The following ARHGEF1 variants were observed in gnomAD, a reference collection of about 807,000 sequenced individuals.
ARHGEF1 encodes Rho guanine nucleotide exchange factor 1.
A neutral mutation model predicts 119.7 loss-of-function variants in ARHGEF1; 40 were observed. The ratio of observed to expected loss-of-function variants is 0.33; its 90% CI spans 0.26 to 0.44. The LOEUF (loss-of-function observed/expected upper bound fraction) is 0.44. Among genes scored for constraint, ARHGEF1 ranks in the 20% least tolerant of loss-of-function variants. The pLI is 1.00. For missense variants in ARHGEF1, 976 were observed against 1,268.3 expected (o/e 0.77, Z 3.50); for synonymous variants, 494 against 521.0 (o/e 0.95, Z 0.71).
intron 13 of ARHGEF1, chr19:41,898,099 T>A (rs2074542117): frequency 7.2e-7 from 1 of 1,379,970 alleles, no homozygotes; most frequent in Non-Finnish European, 9.3e-7. Flanking sequence ...TGCTTGGCCC[T>A]GCCCGACGAG....
At chr19:41,899,142 C>G (rs2074558626) in intron 14 of ARHGEF1, among the ~76,000 whole-genome samples, 1 of 151,950 alleles carries the variant, frequency 6.6e-6, no homozygotes, top group Non-Finnish European at 1.5e-5. Flanking sequence ...GCATGTACCA[C>G]CATGCCTGGC....
Position 41,906,216 on chromosome 19 carries a change from G to A in ARHGEF1, c.2491+191G>A. On this transcript the variant is annotated intron_variant, in intron 26 of 28. Transcript: ENST00000354532. The surrounding 1 kb of genome is among the most constrained non-coding windows in gnomAD (Gnocchi z 4.5). ...CTTCTGCAGCCACCATCCCTTGCTTGATTCTATATTTAGCCTCTTCCTGAA... is the reference window on the plus strand; with the variant it reads ...CTTCTGCAGCCACCATCCCTTGCTTAATTCTATATTTAGCCTCTTCCTGAA... 4.5e-6 allele frequency: 3 copies of A among 667,784 alleles called. No homozygotes were observed. Among genetic ancestry groups the A allele is most frequent in the South Asian group, 1.9e-5 (1 of 53,242 alleles). 41.4% of individuals were successfully genotyped at this position (667,784 alleles called of 1,614,324 possible).
chr19:41,919,913 A>G (rs1256534214), upstream of ARHGEF1, among the ~76,000 whole-genome samples: 1 of 151,976 alleles, frequency 6.6e-6, no homozygotes, highest in African/African-American at 2.4e-5. Context: ...CACACGTCAC[A>G]CAGACATGAC....
Position 41,904,887 on chromosome 19 carries a change from T to C in ARHGEF1, c.2162-62T>C, listed in dbSNP as rs2288512. The C allele has an allele frequency of 0.06, 86,301 of 1,428,202 alleles. 20,788 individuals carry two copies. In the African/African-American group the frequency reaches 0.72, roughly 12 times the overall value. 88.5% of individuals were successfully genotyped at this position (1,428,202 alleles called of 1,614,324 possible). On this transcript the variant is annotated intron_variant, in intron 22 of 28. Coordinates refer to ENST00000354532, the MANE Select transcript of ARHGEF1 (RefSeq NM_004706.4). This position sits in a 1 kb window ranked among gnomAD's most constrained non-coding sequence, Gnocchi z 8.4. ...GTGGGTGACTTCTCCAGCTTGTGCT[T>C]AGGGAGGGGCAGGCACTGGGGGGAC...
chr19:41,892,233 C>T lies in ARHGEF1; in HGVS notation c.325-98C>T. 1 of 1,576,828 alleles carries T rather than the reference C, an allele frequency of 6.3e-7. No homozygotes were observed. The highest frequency in any genetic ancestry group is 8.7e-7 in the Non-Finnish European group (1 of 1,150,372). On this transcript the variant is annotated intron_variant, in intron 5 of 28. Coordinates refer to ENST00000354532, the MANE Select transcript of ARHGEF1 (RefSeq NM_004706.4). The surrounding 1 kb of genome is among the most constrained non-coding windows in gnomAD (Gnocchi z 6.3). ...GGGCAGCTGCTGACCCAGGCCTTCCCCAGCACCCTCGCTTAGACCAGGGTT... is the reference window on the plus strand; with the variant it reads ...GGGCAGCTGCTGACCCAGGCCTTCCTCAGCACCCTCGCTTAGACCAGGGTT...
Position 41,898,201 on chromosome 19 carries a change from G to A in ARHGEF1, c.1122-241G>A, listed in dbSNP as rs369514466. The A allele has an allele frequency of 1.2e-4, 164 of 1,403,848 alleles. 1 individual carries two copies. The South Asian group carries it at 2.1e-3, about 18-fold the overall frequency. 87.0% of individuals were successfully genotyped at this position (1,403,848 alleles called of 1,614,324 possible). On this transcript the variant is annotated intron_variant, in intron 13 of 28. Coordinates refer to ENST00000354532, the MANE Select transcript of ARHGEF1 (RefSeq NM_004706.4). The stretch of plus-strand genomic sequence containing the variant: ...TTGTCAGAGTCACAGAGGAATGGGC[G>A]TTGGAGACCGAGGTCATTGAGGCCA...
chr19:41,924,623 A>C (rs2074861288), intron 1 of ARHGEF1, among the ~76,000 whole-genome samples: 2 of 152,110 alleles, frequency 1.3e-5, no homozygotes, highest in South Asian at 4.1e-4. Context: ...CTACTCAGAG[A>C]ATGATACCTG....
chr19:41,892,971 C>T lies in ARHGEF1; in HGVS notation c.614+122C>T. On this transcript the variant is annotated intron_variant, in intron 7 of 28. Coordinates refer to ENST00000354532, the MANE Select transcript of ARHGEF1 (RefSeq NM_004706.4). The surrounding 1 kb of genome is among the most constrained non-coding windows in gnomAD (Gnocchi z 6.3). ...TTCAGGGTCAGAGTTCATTTCTTGG[C>T]ACTGGGGGTCTTCCTCTACCCTGGT... is the stretch of plus-strand genomic sequence containing the variant. The T allele has an allele frequency of 7.4e-7, 1 of 1,349,618 alleles. No homozygotes were observed. The allele number at this position is 1,349,618 out of a possible 1,614,324, so 83.6% of individuals were successfully genotyped here. A position where few individuals can be genotyped will look rare whatever the true frequency, so the allele number is the denominator to read the frequency against.
chr19:41,895,238 T>C (rs2074462905), intron 11 of ARHGEF1, 111 bp from the exon 12 acceptor site: 10 of 1,399,648 alleles, frequency 7.1e-6, no homozygotes, highest in African/African-American at 1.4e-5. Context: ...AGGAAGGGGC[T>C]CCTTGTCATG....
chr19:41,912,987 A>G, intron 18 of ARHGEF1: 2 of 827,876 alleles, frequency 2.4e-6, no homozygotes, highest in Non-Finnish European at 3.2e-6. Context: ...AGACAGACAC[A>G]GGTCAGCCAG....
chr19:41,928,694 A>G, intron 1 of ARHGEF1: 1 of 327,166 alleles, frequency 3.1e-6, no homozygotes, highest in Non-Finnish European at 6.1e-6. Context: ...AAATTTGAAA[A>G]CAGATGTCGA....
At chr19:41,899,860 C>A (rs1454267059) in intron 14 of ARHGEF1, among the ~76,000 whole-genome samples, 1 of 149,670 alleles carries the variant, frequency 6.7e-6, no homozygotes, top group Non-Finnish European at 1.5e-5. Flanking sequence ...GATACTTATT[C>A]AAAAATTTTA....
chr19:41,905,665 C>T lies in ARHGEF1; in HGVS notation c.2337-95C>T. 7.5e-7 allele frequency: 1 copy of T among 1,327,650 alleles called. No homozygotes were observed. Among genetic ancestry groups the T allele is most frequent in the Non-Finnish European group, 1.1e-6 (1 of 940,618 alleles). 82.2% of individuals were successfully genotyped at this position (1,327,650 alleles called of 1,614,324 possible). ...CTCGACCTCTGTCTCTGTCTCCGGA[C>T]CTCCCTGCCTCCCCACCTCCAGCTC... On this transcript the variant is annotated intron_variant, in intron 24 of 28. Coordinates refer to ENST00000354532, the MANE Select transcript of ARHGEF1 (RefSeq NM_004706.4). The surrounding 1 kb of genome is among the most constrained non-coding windows in gnomAD (Gnocchi z 6.4).
intron 1 of ARHGEF1, chr19:41,928,353 A>G (rs566414690): frequency 7.2e-5 from 11 of 152,292 alleles, no homozygotes; most frequent in Admixed American, 4.6e-4. Flanking sequence ...AGACGGGGAG[A>G]GCTGAGGACG....
chr19:41,896,323 G>A (rs1284229048), intron 12 of ARHGEF1, 54 bp from the exon 13 acceptor site: 1,414 of 887,778 alleles, frequency 1.6e-3, no homozygotes, highest in South Asian at 0.014. Context: ...CCCAGAGTGT[G>A]GGTCTCGTGG....
chr19:41,890,760 GA>G (rs111589384), intron 4 of ARHGEF1: 2,709 of 136,538 alleles, frequency 0.02, 22 homozygotes, highest in Middle Eastern at 0.045. Flanking sequence ...AGCCTAGGCG[GA>G]AAAAAAAAAA....
chr19:41,883,549 G>C lies in ARHGEF1; in HGVS notation c.-20+260G>C, dbSNP rs1190955264. Among the ~76,000 whole-genome samples, 26 of 152,206 alleles carry C rather than the reference G, an allele frequency of 1.7e-4. No individual in the cohort carries two copies. The highest frequency in any genetic ancestry group is 1.4e-3 in the Admixed American group (22 of 15,290). On this transcript the variant is annotated intron_variant, in intron 1 of 28. Coordinates refer to ENST00000354532, the MANE Select transcript of ARHGEF1 (RefSeq NM_004706.4). The surrounding 1 kb of genome is among the most constrained non-coding windows in gnomAD (Gnocchi z 7.6). ...GCCAAGGCCTCCCACCTGCTCAGTG[G>C]AGAACGGACGATCACTACCATTGTA...
At chr19:41,926,514 C>T (rs943092230) in intron 1 of ARHGEF1, among the ~76,000 whole-genome samples, 2 of 152,104 alleles carry the variant, frequency 1.3e-5, no homozygotes, top group Non-Finnish European at 2.9e-5. Flanking sequence ...TCTGCCACCT[C>T]GATTTCTCTC....
chr19:41,893,255 A>G lies in ARHGEF1; in HGVS notation c.615-19A>G, dbSNP rs577184053. 1.5e-5 allele frequency: 24 copies of G among 1,612,312 alleles called. No homozygotes were observed. In the East Asian group the frequency reaches 4.3e-4, roughly 29 times the overall value. On this transcript the variant is annotated intron_variant, in intron 7 of 28. Transcript: ENST00000354532. Reference sequence around the variant, plus strand: ...CAGGCCTAGCAAATATGTCACAAACATCTCTCTTCCTCCTACAGACATACC... The same window carrying G: ...CAGGCCTAGCAAATATGTCACAAACGTCTCTCTTCCTCCTACAGACATACC...
Sources: allele counts gnomAD v4.1 joint callset (sites outside exome capture counted in the v4.1 genomes callset), GRCh38; gene constraint gnomAD v4.1.1; non-coding constraint Gnocchi (gnomAD v3.1); transcripts MANE v1.5; gene names NCBI Gene and HGNC (gene_info 2026-07-23, HGNC 2026-07-21).